Variants in IL27RA observed in about 807,000 individuals in gnomAD.
The protein encoded by IL27RA is interleukin-27 receptor subunit alpha.
Under a neutral mutation model 80.8 loss-of-function variants are expected in IL27RA, and 61 were observed. The observed-to-expected ratio is 0.76, with a 90% confidence interval of 0.61 to 0.93. IL27RA has a LOEUF of 0.93. IL27RA is among the 40% of genes least tolerant of loss of function. The pLI is 0.00. For missense variants in IL27RA, 735 were observed against 808.1 expected, an observed-to-expected ratio of 0.91 and a Z score of 1.10; for synonymous variants, 316 against 332.5, an observed-to-expected ratio of 0.95 and a Z score of 0.54.
chr19:14,052,274 C>T lies in IL27RA; in HGVS notation c.1895C>T (p.Pro632Leu). The part of the protein sequence containing the change: ...EELGLLGPPR[P>L]QVLA Reference sequence around the variant, plus strand: ...CTGGGCCTTCTGGGGCCCCCCAGGCCACAGGTTCTGGCCTGAACCACACGT... The same window carrying T: ...CTGGGCCTTCTGGGGCCCCCCAGGCTACAGGTTCTGGCCTGAACCACACGT... Residue 632 changes from proline to leucine, a missense_variant, in exon 14 of 14, where the codon CCA becomes CTA. Transcript: ENST00000263379. The T allele has an allele frequency of 6.5e-7, 1 of 1,529,594 alleles. No individual in the cohort carries two copies. The highest frequency in any genetic ancestry group is 8.8e-7 in the Non-Finnish European group (1 of 1,141,192). The allele number at this position is 1,529,594 out of a possible 1,614,324, so 94.8% of individuals were successfully genotyped here.
At position 14,052,835 on chromosome 19, in the gene IL27RA, C is replaced by T. The variant is rs901207698; in HGVS notation, c.*545C>T. On this transcript the variant is annotated 3_prime_UTR_variant, in exon 14 of 14. Coordinates refer to ENST00000263379, the MANE Select transcript of IL27RA (RefSeq NM_004843.4). ...TCGAAGCTGCAGGGACCTCTGATTG[C>T]ACCACTGCACTCCAGGCTGGGTAAC... is the stretch of plus-strand genomic sequence containing the variant. 1 of 151,380 alleles carries T rather than the reference C, an allele frequency of 6.6e-6. No homozygotes were observed. The highest frequency in any genetic ancestry group is 1.5e-5 in the Non-Finnish European group (1 of 68,054). The allele number at this position is 151,380 out of a possible 1,614,324, so 9.4% of individuals were successfully genotyped here.
intron 4 of IL27RA, 133 bp from the exon 5 acceptor site, chr19:14,042,320 C>G (rs895188732): frequency 3.3e-6 from 3 of 907,744 alleles, no homozygotes; most frequent in Non-Finnish European, 5.0e-6. Context: ...GAGCCAAGAT[C>G]ACACCACTGC....
chr19:14,040,175 C>G lies in IL27RA; in HGVS notation c.534+265C>G, dbSNP rs531916555. Among the ~76,000 whole-genome samples, 409 of 149,146 alleles carry G rather than the reference C, an allele frequency of 2.7e-3. 2 individuals are homozygous for G. The highest frequency in any genetic ancestry group is 9.9e-3 in the African/African-American group (401 of 40,464). ...GGTCAAGAGTTCGAGACCAGCCTGG[C>G]CAACATGGTGAAATCCCATCTCCAC... On this transcript the variant is annotated intron_variant, in intron 4 of 13. Transcript: ENST00000263379.
chr19:14,051,131 T>C (rs1044448200), intron 11 of IL27RA, among the ~76,000 whole-genome samples: 2 of 151,972 alleles, frequency 1.3e-5, no homozygotes, highest in Admixed American at 6.6e-5. Context: ...GCGCCTGCGG[T>C]CCCAGCTCCT....
intron 2 of IL27RA, among the ~76,000 whole-genome samples, chr19:14,038,876 A>G (rs1975944489): frequency 6.6e-6 from 1 of 150,904 alleles, no homozygotes; most frequent in Admixed American, 6.6e-5. Flanking sequence ...AAGAACAAAA[A>G]TCTGTCTCAA....
At chr19:14,048,247 G>C (rs6511910) in intron 8 of IL27RA, among the ~76,000 whole-genome samples, 45,267 of 151,628 alleles carry the variant, frequency 0.3, 8,023 homozygotes, top group African/African-American at 0.49. Flanking sequence ...CATGAGCCAC[G>C]GTACCTGGCA....
chr19:14,032,555 G>A (rs745531961), intron 2 of IL27RA, 52 bp downstream of exon 2: 7 of 1,178,168 alleles, frequency 5.9e-6, no homozygotes, highest in South Asian at 1.3e-5. Flanking sequence ...TGGCCGCTCA[G>A]GCCCCAGGCT....
chr19:14,035,839 G>A (rs575060339), intron 2 of IL27RA, among the ~76,000 whole-genome samples: 2 of 151,950 alleles, frequency 1.3e-5, no homozygotes, highest in East Asian at 3.9e-4. Flanking sequence ...AGAGTGCAGC[G>A]GTGCGATCAT....
At position 14,052,376 on chromosome 19, in the gene IL27RA, G is replaced by T; in HGVS notation, c.*86G>T. 9.1e-7 allele frequency: 1 copy of T among 1,094,386 alleles called. No individual in the cohort carries two copies. Among genetic ancestry groups the T allele is most frequent in the Non-Finnish European group, 1.3e-6 (1 of 793,524 alleles). 67.8% of individuals were successfully genotyped at this position (1,094,386 alleles called of 1,614,324 possible). A position where few individuals can be genotyped will look rare whatever the true frequency, so the allele number is the denominator to read the frequency against. On this transcript the variant is annotated 3_prime_UTR_variant, in exon 14 of 14. Transcript: ENST00000263379. Reference sequence around the variant, plus strand: ...CCAGTCCTGGATTAGCCCTCTTGATGGATGAAGACACTGAGGACTCAGAGA... The same window carrying T: ...CCAGTCCTGGATTAGCCCTCTTGATTGATGAAGACACTGAGGACTCAGAGA...
chr19:14,031,979 G>A lies in IL27RA; in HGVS notation c.100+7G>A, dbSNP rs564031998. 9.4e-6 allele frequency: 15 copies of A among 1,602,444 alleles called. No individual in the cohort carries two copies. The highest frequency in any genetic ancestry group is 1.7e-4 in the Middle Eastern group (1 of 6,040). On this transcript the variant is annotated splice_region_variant and intron_variant, in intron 1 of 13. Transcript: ENST00000263379. The stretch of plus-strand genomic sequence containing the variant: ...CAGCGGACGCGTCCCCAGGGTGAGT[G>A]CTGGAGGGAGCTCGTGTCCCGGGCG...
chr19:14,052,410 C>A lies in IL27RA; in HGVS notation c.*120C>A. 1.2e-6 allele frequency: 1 copy of A among 823,500 alleles called. No individual in the cohort carries two copies. The highest frequency in any genetic ancestry group is 1.8e-6 in the Non-Finnish European group (1 of 561,388). 51.0% of individuals were successfully genotyped at this position (823,500 alleles called of 1,614,324 possible). On this transcript the variant is annotated 3_prime_UTR_variant, in exon 14 of 14. Coordinates refer to ENST00000263379, the MANE Select transcript of IL27RA (RefSeq NM_004843.4). Reference sequence around the variant, plus strand: ...CACTGAGGACTCAGAGAGGCTGAGTCACTTACCTGAGGACACCCAGCCAGG... The same window carrying A: ...CACTGAGGACTCAGAGAGGCTGAGTAACTTACCTGAGGACACCCAGCCAGG...
Position 14,046,621 on chromosome 19 carries a change from G to C in IL27RA, c.1141+3G>C, listed in dbSNP as rs2145694223. 6.3e-7 allele frequency: 1 copy of C among 1,586,776 alleles called. No individual in the cohort carries two copies. Among genetic ancestry groups the C allele is most frequent in the Non-Finnish European group, 8.6e-7 (1 of 1,165,616 alleles). On this transcript the variant is annotated splice_donor_region_variant and intron_variant, in intron 8 of 13. Transcript: ENST00000263379. Reference sequence around the variant, plus strand: ...GAACCTCAGTGCTCTGTTACCAGGTGAGGCCCTGGGACACCTGGGTCTCCA... The same window carrying C: ...GAACCTCAGTGCTCTGTTACCAGGTCAGGCCCTGGGACACCTGGGTCTCCA...
intron 2 of IL27RA, among the ~76,000 whole-genome samples, chr19:14,035,305 C>A (rs1055369227): frequency 6.6e-6 from 1 of 151,182 alleles, no homozygotes; most frequent in African/African-American, 2.4e-5. Context: ...CCAAAATCTA[C>A]GATCTTAACC....
intron 8 of IL27RA, among the ~76,000 whole-genome samples, chr19:14,047,112 C>T (rs1976078918): frequency 1.3e-5 from 2 of 151,668 alleles, no homozygotes; most frequent in Non-Finnish European, 2.9e-5. Flanking sequence ...GGTGCCATCT[C>T]AGCTCACTGC....
intron 1 of IL27RA, 59 bp from the exon 2 acceptor site, chr19:14,032,327 T>C (rs1016515382): frequency 7.7e-7 from 1 of 1,298,544 alleles, no homozygotes; most frequent in Non-Finnish European, 1.1e-6. Flanking sequence ...TTCTGGGGTG[T>C]GCAGGCGGAA....
Position 14,051,645 on chromosome 19 carries a change from T to G in IL27RA, c.1567T>G (p.Phe523Val), listed in dbSNP as rs777913254. ...LRWKVLPGILFLWGLFLLGCG... is the reference protein window; with the variant it reads ...LRWKVLPGILVLWGLFLLGCG... Reference sequence around the variant, plus strand: ...GTGGAAAGTTCTGCCGGGCATCCTATTCTTGTGGGGCTTGTTCCTGTTGGG... The same window carrying G: ...GTGGAAAGTTCTGCCGGGCATCCTAGTCTTGTGGGGCTTGTTCCTGTTGGG... Residue 523 changes from phenylalanine (F) to valine (V), a missense_variant, in exon 12 of 14, where the codon TTC (phenylalanine) becomes GTC (valine). Physicochemically the swap from Phe to Val is conservative, Grantham distance 50. Transcript: ENST00000263379. The G allele has an allele frequency of 2.5e-6, 4 of 1,613,176 alleles. No individual in the cohort carries two copies. Among genetic ancestry groups the G allele is most frequent in the Non-Finnish European group, 3.4e-6 (4 of 1,179,424 alleles).
intron 8 of IL27RA, among the ~76,000 whole-genome samples, chr19:14,048,639 G>A (rs1354774449): frequency 1.3e-5 from 2 of 152,146 alleles, no homozygotes; most frequent in Admixed American, 1.3e-4. Flanking sequence ...ATTGAGAAGA[G>A]CCCTCAGGAA....
At chr19:14,034,667 A>C (rs1975871596) in intron 2 of IL27RA, among the ~76,000 whole-genome samples, 1 of 141,932 alleles carries the variant, frequency 7.0e-6, no homozygotes, top group South Asian at 2.3e-4. Context: ...CTAAAAAAAA[A>C]AAAAGGCCGG....
At chr19:14,043,815 AGGTG>A in intron 6 of IL27RA, among the ~76,000 whole-genome samples, 1 of 151,538 alleles carries the variant, frequency 6.6e-6, no homozygotes, top group Admixed American at 6.6e-5. Flanking sequence ...TGAGAGGCTC[AGGTG>A]GGCAGATCAC....
Sources: gnomAD v4.1 joint callset for allele counts (sites outside exome capture counted in the v4.1 genomes callset) on GRCh38, gnomAD v4.1.1 for gene constraint, MANE v1.5 for transcripts, NCBI Gene and HGNC (gene_info 2026-07-23, HGNC 2026-07-21) for gene names.